The following ERC2 variants were observed in gnomAD, a reference collection of about 807,000 sequenced individuals.
The protein encoded by ERC2 is ERC protein 2.
Under a neutral mutation model 114.8 loss-of-function variants are expected in ERC2, and 42 were observed. That is an observed-to-expected ratio of 0.37 (90% confidence interval 0.29 to 0.47). ERC2 has a LOEUF of 0.47. Ranked by LOEUF, ERC2 falls within the 20% of genes least tolerant of loss-of-function variation. The pLI, the probability that ERC2 is intolerant of heterozygous loss-of-function variation, is 0.99. For synonymous variants in ERC2, 454 were observed against 425.5 expected, an observed-to-expected ratio of 1.07 and a Z score of -0.82; for missense variants, 939 against 1,150.7, an observed-to-expected ratio of 0.82 and a Z score of 2.66.
At chr3:56,106,403 C>A (rs2078666980) in intron 6 of ERC2, among the ~76,000 whole-genome samples, 1 of 152,166 alleles carries the variant, frequency 6.6e-6, no homozygotes, top group Admixed American at 6.5e-5. Flanking sequence ...AAGAAGGAAC[C>A]AAAAGTATTA....
chr3:56,000,501 T>C (rs2071951671), intron 10 of ERC2, among the ~76,000 whole-genome samples: 1 of 152,026 alleles, frequency 6.6e-6, no homozygotes, highest in African/African-American at 2.4e-5. Context: ...TTAAACTACT[T>C]ACGTAAGAAA....
In ERC2 at chr3:55,992,165, C is replaced by T. The variant is rs375730540; in HGVS notation, c.2147G>A (p.Arg716His). The T allele has an allele frequency of 5.6e-6, 9 of 1,613,908 alleles. No individual in the cohort carries two copies. The highest frequency in any genetic ancestry group is 6.8e-6 in the Non-Finnish European group (8 of 1,179,848). Reference protein sequence around the residue: ...KQLDKEASYYRDECGKAQAEV... With the variant: ...KQLDKEASYYHDECGKAQAEV... Reference sequence around the variant, plus strand: ...CGCTTGGGCCTTGCCACACTCGTCGCGGTAGTAAGACGCCTCTTTATCGAG... The same window carrying T: ...CGCTTGGGCCTTGCCACACTCGTCGTGGTAGTAAGACGCCTCTTTATCGAG... Residue 716 changes from arginine (R) to histidine (H), a missense_variant, in exon 11 of 18, where the codon CGC (arginine) becomes CAC (histidine). By Grantham distance (29) the Arg-to-His change is conservative (BLOSUM62 0). Coordinates refer to ENST00000288221, the MANE Select transcript of ERC2 (RefSeq NM_015576.3).
chr3:56,407,486 G>T (rs2060774521), intron 2 of ERC2, among the ~76,000 whole-genome samples: 1 of 152,154 alleles, frequency 6.6e-6, no homozygotes, highest in South Asian at 2.1e-4. Flanking sequence ...TTCTGCATCA[G>T]CATTTCTGGG....
At chr3:56,026,513 T>C (rs2074060898) in intron 7 of ERC2, among the ~76,000 whole-genome samples, 1 of 152,200 alleles carries the variant, frequency 6.6e-6, no homozygotes, top group South Asian at 2.1e-4. Flanking sequence ...AATATAACAG[T>C]GTCATGATGA....
At chr3:56,377,217 T>C (rs1207370769) in intron 2 of ERC2, among the ~76,000 whole-genome samples, 3 of 152,164 alleles carry the variant, frequency 2.0e-5, no homozygotes, top group Non-Finnish European at 4.4e-5. Context: ...ACAAAAAATA[T>C]GCATAGGAAA....
chr3:55,524,057 ACT>A lies in ERC2; in HGVS notation c.*40-12783_*40-12782del, dbSNP rs1464379692. Among the ~76,000 whole-genome samples the A allele has an allele frequency of 5.9e-5, 9 of 152,268 alleles. No homozygotes were observed. The East Asian group carries it at 1.7e-3, about 29-fold the overall frequency. ...TCTCATCTCCAAAGTGAAGATAGTA[ACT>A]CTAACCTCTCCAGGTGGTTGAGAAC... is the stretch of plus-strand genomic sequence containing the variant. On this transcript the variant is annotated intron_variant, in intron 17 of 17. Transcript: ENST00000288221.
At position 55,745,178 on chromosome 3, in the gene ERC2, G is replaced by A. The variant is rs570155620; in HGVS notation, c.2565-10260C>T. On this transcript the variant is annotated intron_variant, in intron 14 of 17. Transcript: ENST00000288221. The stretch of plus-strand genomic sequence containing the variant: ...AAAGAAGAAAACAGACTTTGGAGAG[G>A]AGTCTGCTGACCACAGAAGAGTTGC... Among the ~76,000 whole-genome samples the A allele has an allele frequency of 2.6e-5, 4 of 152,316 alleles. No individual in the cohort carries two copies. In the East Asian group the frequency reaches 7.7e-4, roughly 29 times the overall value.
intron 7 of ERC2, among the ~76,000 whole-genome samples, chr3:56,038,439 G>A (rs2074941275): frequency 6.6e-6 from 1 of 152,152 alleles, no homozygotes; most frequent in Non-Finnish European, 1.5e-5. Context: ...AACAACAGAT[G>A]CTGGTGAGGC....
intron 2 of ERC2, among the ~76,000 whole-genome samples, chr3:56,380,138 CCT>C (rs1315828274): frequency 6.6e-6 from 1 of 152,006 alleles, no homozygotes; most frequent in Non-Finnish European, 1.5e-5. Context: ...AAAATTGCCC[CCT>C]GTTGAAAACC....
chr3:55,912,634 A>G (rs1360903143), intron 13 of ERC2, among the ~76,000 whole-genome samples: 3 of 152,206 alleles, frequency 2.0e-5, no homozygotes, highest in Non-Finnish European at 4.4e-5. Context: ...ATTTGTACAC[A>G]TAGTAGAGAA....
intron 2 of ERC2, among the ~76,000 whole-genome samples, chr3:56,350,569 T>TAC (rs1271424239): frequency 1.3e-5 from 2 of 152,100 alleles, no homozygotes; most frequent in African/African-American, 4.8e-5. Flanking sequence ...TATATATATA[T>TAC]ACAGTGAAAT....
At chr3:56,372,615 C>T (rs2059398084) in intron 2 of ERC2, among the ~76,000 whole-genome samples, 1 of 152,036 alleles carries the variant, frequency 6.6e-6, no homozygotes, top group Non-Finnish European at 1.5e-5. Flanking sequence ...TTGTCCCCCG[C>T]TACTCAGGAG....
intron 17 of ERC2, among the ~76,000 whole-genome samples, chr3:55,557,580 A>T (rs765136186): frequency 3.3e-5 from 5 of 152,202 alleles, no homozygotes; most frequent in Non-Finnish European, 5.9e-5. Context: ...ATCTACTGCC[A>T]CTCAAAGTTA....
intron 16 of ERC2, among the ~76,000 whole-genome samples, chr3:55,695,759 T>C (rs1336502882): frequency 2.6e-5 from 4 of 152,232 alleles, no homozygotes; most frequent in African/African-American, 9.6e-5. Flanking sequence ...TCAGTCATGT[T>C]ATAAAATGGG....
intron 6 of ERC2, among the ~76,000 whole-genome samples, chr3:56,081,329 C>A (rs748034565): frequency 2.6e-5 from 4 of 152,164 alleles, no homozygotes; most frequent in Non-Finnish European, 4.4e-5. Flanking sequence ...CTCTGAGAGT[C>A]CAGGGAGGAT....
chr3:55,883,889 AAAC>A (rs57990581), intron 14 of ERC2, among the ~76,000 whole-genome samples: 22,987 of 131,844 alleles, frequency 0.17, 1,845 homozygotes, highest in African/African-American at 0.21. Context: ...CTCCGTCTCA[AAAC>A]AACAACAACA....
chr3:55,882,683 C>T (rs1394251931), intron 14 of ERC2, among the ~76,000 whole-genome samples: 3 of 152,090 alleles, frequency 2.0e-5, no homozygotes, highest in Non-Finnish European at 2.9e-5. Flanking sequence ...GGAGGATGTG[C>T]GTGGGTTATA....
At chr3:55,982,751 A>G (rs1483372953) in intron 12 of ERC2, among the ~76,000 whole-genome samples, 1 of 152,220 alleles carries the variant, frequency 6.6e-6, no homozygotes, top group Non-Finnish European at 1.5e-5. Flanking sequence ...TACTGACCCT[A>G]GCAAAGAACA....
At chr3:55,582,542 A>G (rs761041573) in intron 17 of ERC2, among the ~76,000 whole-genome samples, 11 of 152,234 alleles carry the variant, frequency 7.2e-5, no homozygotes, top group East Asian at 5.8e-4. Flanking sequence ...TGAATGATCT[A>G]TCTCAATGGC....
Sources: allele counts gnomAD v4.1 joint callset (sites outside exome capture counted in the v4.1 genomes callset), GRCh38; gene constraint gnomAD v4.1.1; transcripts MANE v1.5; gene names NCBI Gene and HGNC (gene_info 2026-07-23, HGNC 2026-07-21).